The following ZNF653 variants were observed in gnomAD, a reference collection of about 807,000 sequenced individuals.
The protein encoded by ZNF653 is zinc finger protein 653.
A neutral mutation model predicts 59.9 loss-of-function variants in ZNF653; 37 were observed. The observed-to-expected ratio is 0.62, with a 90% CI of 0.48 to 0.81. ZNF653 has a LOEUF of 0.81. ZNF653 is among the 40% of genes least tolerant of loss of function. The pLI is 0.00. For missense variants in ZNF653, 808 were observed against 881.1 expected, an observed-to-expected ratio of 0.92 and a Z score of 1.05; for synonymous variants, 435 against 371.8, an observed-to-expected ratio of 1.17 and a Z score of -1.96.
At chr19:11,501,939 C>T (rs537482766) in intron 1 of ZNF653, among the ~76,000 whole-genome samples, 9 of 151,988 alleles carry the variant, frequency 5.9e-5, no homozygotes, top group East Asian at 1.9e-4. Context: ...GGACTATAGG[C>T]GTGTGCCACC....
chr19:11,483,460 T>C lies in ZNF653; in HGVS notation c.*222A>G. 1.5e-6 allele frequency: 2 copies of C among 1,372,736 alleles called. No homozygotes were observed. The highest frequency in any genetic ancestry group is 1.9e-6 in the Non-Finnish European group (2 of 1,064,492). The allele number at this position is 1,372,736 out of a possible 1,614,324, so 85.0% of individuals were successfully genotyped here. ...CTCGCTCTTTAATCTCACTCTGCTCTCTTGACACAGTTCCAGCAATGCAGC... is the reference window on the plus strand; with the variant it reads ...CTCGCTCTTTAATCTCACTCTGCTCCCTTGACACAGTTCCAGCAATGCAGC... On this transcript the variant is annotated 3_prime_UTR_variant, in exon 9 of 9. Coordinates refer to ENST00000293771, the MANE Select transcript of ZNF653 (RefSeq NM_138783.4).
intron 1 of ZNF653, 76 bp downstream of exon 1, chr19:11,505,412 C>G: frequency 7.5e-7 from 1 of 1,330,732 alleles, no homozygotes; most frequent in African/African-American, 1.6e-5. Context: ...GCCCTAGAAG[C>G]GGAGGGGGCG....
At chr19:11,505,402 GC>G in intron 1 of ZNF653, 85 bp downstream of exon 1, 2 of 1,303,918 alleles carry the variant, frequency 1.5e-6, no homozygotes, top group Non-Finnish European at 2.0e-6. Context: ...CCGGGGGCTG[GC>G]CCTAGAAGCG....
In ZNF653 at chr19:11,495,253, G is replaced by A. The variant is rs897825171; in HGVS notation, c.559+697C>T. ...GGGCCAACTGAGCCTCCCTCACTGA[G>A]TCCCTGCCCCGTGGGATGGGAAGGA... On this transcript the variant is annotated intron_variant, in intron 3 of 8. Transcript: ENST00000293771. The surrounding 1 kb of genome is among the most constrained non-coding windows in gnomAD (Gnocchi z 4.9). 2.0e-5 allele frequency among the ~76,000 whole-genome samples: 3 copies of A among 152,114 alleles called. No individual in the cohort carries two copies. Among genetic ancestry groups the A allele is most frequent in the Non-Finnish European group, 4.4e-5 (3 of 68,002 alleles).
intron 1 of ZNF653, among the ~76,000 whole-genome samples, chr19:11,499,127 T>C (rs1413152687): frequency 6.6e-6 from 1 of 152,152 alleles, no homozygotes; most frequent in Non-Finnish European, 1.5e-5. Flanking sequence ...GGGAGGGGGC[T>C]CTAGCATCAT....
chr19:11,502,246 C>A (rs914405876), intron 1 of ZNF653, among the ~76,000 whole-genome samples: 1 of 152,140 alleles, frequency 6.6e-6, no homozygotes, highest in Admixed American at 6.6e-5. Context: ...CGTGCGCCAC[C>A]ATGCCCGGCT....
At chr19:11,503,230 A>G (rs1971666069) in intron 1 of ZNF653, among the ~76,000 whole-genome samples, 1 of 152,096 alleles carries the variant, frequency 6.6e-6, no homozygotes, top group Non-Finnish European at 1.5e-5. Flanking sequence ...CACTCATTGC[A>G]GTCCAGCCAC....
At chr19:11,498,563 C>A (rs1030847595) in intron 1 of ZNF653, among the ~76,000 whole-genome samples, 39 of 149,502 alleles carry the variant, frequency 2.6e-4, no homozygotes, top group Non-Finnish European at 4.5e-5. Flanking sequence ...CCTGCCTCAG[C>A]CTCTCAAGTA....
intron 1 of ZNF653, among the ~76,000 whole-genome samples, chr19:11,501,848 G>A (rs1030047271): frequency 3.3e-5 from 5 of 151,844 alleles, no homozygotes; most frequent in African/African-American, 1.2e-4. Context: ...AGGCTGGAGT[G>A]CGGTGGCACG....
chr19:11,492,452 C>T (rs750642428), intron 3 of ZNF653, among the ~76,000 whole-genome samples: 1 of 151,844 alleles, frequency 6.6e-6, no homozygotes, highest in South Asian at 2.1e-4. Context: ...TAGGTTCAAG[C>T]GATCCTCCTG....
At position 11,505,830 on chromosome 19, in the gene ZNF653, G is replaced by C. The variant is rs984081801; in HGVS notation, c.-44C>G. ...CAGCCTCCCCCGTTGTTAGGAGCCA[G>C]ACCGGAAGTGGCGCGCATCTTCGGC... On this transcript the variant is annotated 5_prime_UTR_variant, in exon 1 of 9. Transcript: ENST00000293771. 1.5e-6 allele frequency: 2 copies of C among 1,294,676 alleles called. No homozygotes were observed. The highest frequency in any genetic ancestry group is 2.0e-6 in the Non-Finnish European group (2 of 1,002,594). The allele number at this position is 1,294,676 out of a possible 1,614,324, so 80.2% of individuals were successfully genotyped here.
intron 1 of ZNF653, among the ~76,000 whole-genome samples, chr19:11,503,009 G>C (rs1216376623): frequency 6.6e-6 from 1 of 151,900 alleles, no homozygotes; most frequent in Non-Finnish European, 1.5e-5. Context: ...ACTCCAGCCT[G>C]GGTAACAGAG....
At position 11,487,808 on chromosome 19, in the gene ZNF653, C is replaced by CAGCCTT. The variant is rs1173382540; in HGVS notation, c.649_654dup (p.Lys217_Ala218dup). ...GGCGTCGCTGCCGCTGCCGCTGCCG[C>CAGCCTT]AGCCTTGACCGGCTGGCCCTCAGGA... On this transcript the variant is annotated inframe_insertion, in exon 4 of 9. Coordinates refer to ENST00000293771, the MANE Select transcript of ZNF653 (RefSeq NM_138783.4). The surrounding 1 kb of genome is among the most constrained non-coding windows in gnomAD (Gnocchi z 5.1). 5 of 1,612,080 alleles carry CAGCCTT rather than the reference C, an allele frequency of 3.1e-6. No homozygotes were observed. The highest frequency in any genetic ancestry group is 4.2e-6 in the Non-Finnish European group (5 of 1,179,416).
chr19:11,502,480 C>T (rs926626822), intron 1 of ZNF653, among the ~76,000 whole-genome samples: 1 of 152,136 alleles, frequency 6.6e-6, no homozygotes, highest in African/African-American at 2.4e-5. Context: ...CTTGGCCAAC[C>T]TTGTATCACA....
chr19:11,505,805 C>G lies in ZNF653; in HGVS notation c.-19G>C, dbSNP rs901986187. On this transcript the variant is annotated 5_prime_UTR_variant, in exon 1 of 9. Coordinates refer to ENST00000293771, the MANE Select transcript of ZNF653 (RefSeq NM_138783.4). ...CCGCCATCCCCCCCACCCTGGTTAC[C>G]AGCCTCCCCCGTTGTTAGGAGCCAG... The G allele has an allele frequency of 9.5e-6, 13 of 1,373,014 alleles. No individual in the cohort carries two copies. Among genetic ancestry groups the G allele is most frequent in the African/African-American group, 9.2e-5 (6 of 65,078 alleles). 85.1% of individuals were successfully genotyped at this position (1,373,014 alleles called of 1,614,324 possible).
At position 11,505,677 on chromosome 19, in the gene ZNF653, G is replaced by T; in HGVS notation, c.110C>A (p.Pro37Gln). ...GGCCCGGTCCGACTCCGTGAGTCGC[G>T]GCCGGCCCCGCGCCTTTCGGCCCGC... Reference protein sequence around the residue: ...GAAGRKARGRPRLTESDRARR... With the variant: ...GAAGRKARGRQRLTESDRARR... Residue 37 changes from proline to glutamine, a missense_variant, in exon 1 of 9, where the codon CCG becomes CAG. Pro to Gln is a moderately conservative substitution (Grantham distance 76). Coordinates refer to ENST00000293771, the MANE Select transcript of ZNF653 (RefSeq NM_138783.4). The T allele has an allele frequency of 6.7e-7, 1 of 1,491,110 alleles. No individual in the cohort carries two copies. Among genetic ancestry groups the T allele is most frequent in the Non-Finnish European group, 8.9e-7 (1 of 1,128,406 alleles). 92.4% of individuals were successfully genotyped at this position (1,491,110 alleles called of 1,614,324 possible). A position where few individuals can be genotyped will look rare whatever the true frequency, so the allele number is the denominator to read the frequency against.
intron 1 of ZNF653, among the ~76,000 whole-genome samples, chr19:11,499,119 G>C (rs1971618169): frequency 6.6e-6 from 1 of 152,222 alleles, no homozygotes; most frequent in South Asian, 2.1e-4. Flanking sequence ...TCAGCCCTGG[G>C]AGGGGGCTCT....
chr19:11,487,967 T>TTTTTA lies in ZNF653; in HGVS notation c.560-69_560-65dup, dbSNP rs940933998. On this transcript the variant is annotated intron_variant, in intron 3 of 8. Transcript: ENST00000293771. The surrounding 1 kb of genome is among the most constrained non-coding windows in gnomAD (Gnocchi z 5.1). ...CAGCCACTGGTATTTGTTTATTTAGTTTTTATTTTATTTTATTTATTTATT... is the reference window on the plus strand; with the variant it reads ...CAGCCACTGGTATTTGTTTATTTAGTTTTTATTTTATTTTATTTTATTTATTTATT... The TTTTTA allele has an allele frequency of 1.7e-3, 2,074 of 1,239,860 alleles. 2 individuals carry two copies. Among genetic ancestry groups the TTTTTA allele is most frequent in the South Asian group, 3.6e-3 (105 of 28,786 alleles). The allele number at this position is 1,239,860 out of a possible 1,614,324, so 76.8% of individuals were successfully genotyped here.
intron 7 of ZNF653, 149 bp from the exon 8 acceptor site, chr19:11,484,290 C>T (rs1971441897): frequency 7.5e-6 from 5 of 664,032 alleles, no homozygotes; most frequent in East Asian, 5.5e-5. Flanking sequence ...ACGTCCTTCC[C>T]GTGCATTTGC....
Sources: gnomAD v4.1 joint callset for allele counts (sites outside exome capture counted in the v4.1 genomes callset) on GRCh38, gnomAD v4.1.1 for gene constraint, Gnocchi (gnomAD v3.1) non-coding constraint, MANE v1.5 for transcripts, NCBI Gene and HGNC (gene_info 2026-07-23, HGNC 2026-07-21) for gene names.